The following ADGRL2 variants were observed in gnomAD, a reference collection of about 807,000 sequenced individuals.
ADGRL2 encodes calcium-independent alpha-latrotoxin receptor 2.
Under a neutral mutation model 157.4 loss-of-function variants are expected in ADGRL2, and 44 were observed. The ratio of observed to expected loss-of-function variants is 0.28; its 90% CI spans 0.22 to 0.36. ADGRL2 has a LOEUF of 0.36. Among genes scored for constraint, ADGRL2 ranks in the 10% least tolerant of loss-of-function variants. ADGRL2 has a pLI of 1.00. For missense variants in ADGRL2, 1,510 were observed against 1,768.9 expected, an observed-to-expected ratio of 0.85 and a Z score of 2.63; for synonymous variants, 585 against 624.7, an observed-to-expected ratio of 0.94 and a Z score of 0.95.
intron 2 of ADGRL2, among the ~76,000 whole-genome samples, chr1:81,546,116 C>G (rs1489591721): frequency 6.6e-6 from 1 of 152,176 alleles, no homozygotes; most frequent in Non-Finnish European, 1.5e-5. Flanking sequence ...CTACCACCAT[C>G]ACCACCTGCC....
intron 1 of ADGRL2, among the ~76,000 whole-genome samples, chr1:81,751,558 A>G (rs2085490364): frequency 1.3e-5 from 2 of 152,222 alleles, no homozygotes; most frequent in African/African-American, 4.8e-5. Context: ...GAAATCTTTC[A>G]GATCGAAAGA....
intron 3 of ADGRL2, among the ~76,000 whole-genome samples, chr1:81,582,087 G>T (rs991149446): frequency 1.3e-5 from 2 of 151,988 alleles, no homozygotes; most frequent in Non-Finnish European, 2.9e-5. Flanking sequence ...AGGCGTGGTG[G>T]CGCATACCTG....
At chr1:81,378,349 G>C (rs1487972443) in intron 1 of ADGRL2, among the ~76,000 whole-genome samples, 2 of 151,842 alleles carry the variant, frequency 1.3e-5, no homozygotes, top group Admixed American at 6.6e-5. Context: ...CCAGGAGTTC[G>C]AGACCAGCCT....
At chr1:81,622,304 C>G (rs146108024) in intron 3 of ADGRL2, among the ~76,000 whole-genome samples, 5 of 151,922 alleles carry the variant, frequency 3.3e-5, no homozygotes, top group African/African-American at 9.7e-5. Context: ...TTTTTTTGGC[C>G]GGGCACGGTA....
intron 3 of ADGRL2, among the ~76,000 whole-genome samples, chr1:81,645,787 T>C (rs2082303783): frequency 6.6e-6 from 1 of 152,184 alleles, no homozygotes; most frequent in Admixed American, 6.5e-5. Context: ...TTCTTTTCCA[T>C]ATTTCCCCCC....
At chr1:81,667,748 A>T (rs2082781917) in intron 3 of ADGRL2, among the ~76,000 whole-genome samples, 2 of 152,280 alleles carry the variant, frequency 1.3e-5, no homozygotes, top group Admixed American at 6.5e-5. Context: ...TATTTTTTTT[A>T]AATTCAGCAT....
intron 2 of ADGRL2, among the ~76,000 whole-genome samples, chr1:81,475,061 C>G (rs1218594580): frequency 6.6e-6 from 1 of 152,144 alleles, no homozygotes; most frequent in Non-Finnish European, 1.5e-5. Context: ...CCTTAGGCCC[C>G]CCAAGTCTTT....
rs111646823 is a variant in ADGRL2 at position 81,712,352 on chromosome 1, G to A, written c.-143+12544G>A. Among the ~76,000 whole-genome samples, 618 of 152,154 alleles carry A rather than the reference G, an allele frequency of 4.1e-3. 4 individuals are homozygous for A. The highest frequency in any genetic ancestry group is 0.014 in the African/African-American group (575 of 41,522). ...GTCCCAATAGAAATAAATTCAAATC[G>A]GTCTTCATCGATGTGACCTGACATG... On this transcript the variant is annotated intron_variant, in intron 1 of 20. Coordinates refer to the ADGRL2 transcript ENST00000359929.
chr1:81,825,213 A>T (rs60184339), intron 1 of ADGRL2, among the ~76,000 whole-genome samples: 2,741 of 151,696 alleles, frequency 0.018, 70 homozygotes, highest in African/African-American at 0.061. Context: ...AGAAATAAAA[A>T]TTTTTTTTTG....
chr1:81,640,111 C>G (rs2082189605), intron 3 of ADGRL2, among the ~76,000 whole-genome samples: 1 of 152,116 alleles, frequency 6.6e-6, no homozygotes, highest in South Asian at 2.1e-4. Flanking sequence ...TGTATCCTCT[C>G]AAAGTTTTAA....
intron 1 of ADGRL2, among the ~76,000 whole-genome samples, chr1:81,383,720 T>C (rs1453984903): frequency 6.7e-6 from 1 of 148,840 alleles, no homozygotes; most frequent in Non-Finnish European, 1.5e-5. Context: ...ATCCCAGCAC[T>C]TTGGGAGGCC....
intron 1 of ADGRL2, among the ~76,000 whole-genome samples, chr1:81,436,591 T>C (rs753756286): frequency 5.9e-5 from 9 of 152,220 alleles, no homozygotes; most frequent in South Asian, 2.1e-4. Context: ...TAGAAGGTGA[T>C]AGCCTGCATA....
intron 2 of ADGRL2, among the ~76,000 whole-genome samples, chr1:81,844,980 T>C (rs1045303769): frequency 7.2e-5 from 11 of 152,162 alleles, no homozygotes; most frequent in African/African-American, 2.7e-4. Flanking sequence ...AAGATAAAAC[T>C]TTTAGAAGGT....
chr1:81,516,856 CAA>C (rs2079188817), intron 2 of ADGRL2, among the ~76,000 whole-genome samples: 1 of 151,840 alleles, frequency 6.6e-6, no homozygotes, highest in African/African-American at 2.4e-5. Flanking sequence ...CTGGAGCTGC[CAA>C]AGTTTCATGT....
intron 2 of ADGRL2, among the ~76,000 whole-genome samples, chr1:81,777,292 G>A (rs2086625397): frequency 6.6e-6 from 1 of 152,076 alleles, no homozygotes; most frequent in African/African-American, 2.4e-5. Flanking sequence ...GTTTGCTTTT[G>A]TAATTGTATT....
At chr1:81,870,150 A>G (rs2093654722) in intron 2 of ADGRL2, among the ~76,000 whole-genome samples, 1 of 152,150 alleles carries the variant, frequency 6.6e-6, no homozygotes, top group Non-Finnish European at 1.5e-5. Flanking sequence ...AAAGGAGAAT[A>G]AAGTGTCATT....
At chr1:81,585,549 A>G (rs567468476) in intron 3 of ADGRL2, among the ~76,000 whole-genome samples, 1 of 152,230 alleles carries the variant, frequency 6.6e-6, no homozygotes, top group South Asian at 2.1e-4. Flanking sequence ...CATTGCAGGC[A>G]AAGGGGTTAA....
chr1:81,670,595 A>T (rs566286679), intron 3 of ADGRL2, among the ~76,000 whole-genome samples: 7 of 152,252 alleles, frequency 4.6e-5, no homozygotes, highest in Non-Finnish European at 1.0e-4. Flanking sequence ...AGGACACGGC[A>T]TCTGGACCAG....
intron 2 of ADGRL2, chr1:81,579,288 T>C (rs143770764): frequency 6.6e-6 from 1 of 152,256 alleles, no homozygotes; most frequent in Admixed American, 6.5e-5. Flanking sequence ...TTTACATGGG[T>C]TCTATTTCCA....
Sources: allele counts gnomAD v4.1 joint callset (sites outside exome capture counted in the v4.1 genomes callset), GRCh38; gene constraint gnomAD v4.1.1; transcripts MANE v1.5; gene names NCBI Gene and HGNC (gene_info 2026-07-23, HGNC 2026-07-21).